The following STK10 variants were observed in gnomAD, a reference collection of about 807,000 sequenced individuals.
The protein encoded by STK10 is serine/threonine-protein kinase 10.
A neutral mutation model predicts 113.8 loss-of-function variants in STK10; 78 were observed. That is an observed-to-expected ratio of 0.69 (90% confidence interval 0.57 to 0.83). The LOEUF is 0.83. STK10 is among the 40% of genes least tolerant of loss of function. The pLI, the probability that STK10 is intolerant of heterozygous loss-of-function variation, is 0.00. For synonymous variants in STK10, 465 were observed against 494.7 expected (o/e 0.94, Z 0.80); for missense variants, 1,109 against 1,280.1 (o/e 0.87, Z 2.04).
intron 10 of STK10, among the ~76,000 whole-genome samples, chr5:172,085,204 C>T (rs1046401394): frequency 2.0e-5 from 3 of 151,734 alleles, no homozygotes; most frequent in Admixed American, 1.3e-4. Flanking sequence ...GTGACTATGC[C>T]GCTTGCACTC....
chr5:172,151,851 C>T (rs10476009), intron 2 of STK10, among the ~76,000 whole-genome samples: 9,659 of 152,304 alleles, frequency 0.063, 355 homozygotes, highest in South Asian at 0.13. Flanking sequence ...CCTCGGTTCA[C>T]GTTACTCTGC....
chr5:172,156,548 A>G, intron 2 of STK10, 76 bp downstream of exon 2: 1 of 1,504,752 alleles, frequency 6.6e-7, no homozygotes, highest in Non-Finnish European at 8.9e-7. Flanking sequence ...AAAGAGCTGA[A>G]GACTTCAGGA....
intron 2 of STK10, among the ~76,000 whole-genome samples, chr5:172,131,211 T>C (rs1482427734): frequency 6.6e-6 from 1 of 152,060 alleles, no homozygotes; most frequent in African/African-American, 2.4e-5. Context: ...TTTTTTGTAT[T>C]TTTTGGTAGA....
intron 9 of STK10, chr5:172,092,289 GCGGGGGACT>G (rs1445787799): frequency 2.0e-5 from 3 of 152,850 alleles, no homozygotes; most frequent in African/African-American, 7.2e-5. Context: ...TGCCGGCACA[GCGGGGGACT>G]CTCATGAGAA....
Position 172,120,271 on chromosome 5 carries a change from G to A in STK10, c.371-2641C>T, listed in dbSNP as rs576676621. On this transcript the variant is annotated intron_variant, in intron 3 of 18. Coordinates refer to ENST00000176763, the MANE Select transcript of STK10 (RefSeq NM_005990.4). The surrounding 1 kb of genome is among the most constrained non-coding windows in gnomAD (Gnocchi z 4.0). ...TGCCTACAACAGCACTGCTGTGTCC[G>A]GCTTGCCTAGTGGTGCCTGGACAGG... 1.3e-5 allele frequency among the ~76,000 whole-genome samples: 2 copies of A among 152,242 alleles called. No individual in the cohort carries two copies. The highest frequency in any genetic ancestry group is 2.1e-4 in the South Asian group (1 of 4,820).
At chr5:172,182,359 G>A (rs2113845418) in intron 1 of STK10, among the ~76,000 whole-genome samples, 1 of 145,918 alleles carries the variant, frequency 6.9e-6, no homozygotes, top group East Asian at 2.0e-4. Flanking sequence ...CAAAACCAAA[G>A]CAATTTTCTA....
chr5:172,068,147 T>C (rs1324674503), intron 12 of STK10, among the ~76,000 whole-genome samples: 1 of 152,124 alleles, frequency 6.6e-6, no homozygotes, highest in Non-Finnish European at 1.5e-5. Flanking sequence ...AAGACAAGCC[T>C]GGCCAAGATG....
At chr5:172,114,508 A>G (rs1769330317) in intron 4 of STK10, 1 of 71,676 alleles carries the variant, frequency 1.4e-5, no homozygotes, top group Non-Finnish European at 2.4e-5. Context: ...TTTGAGACGG[A>G]GTCTCACTCT....
intron 7 of STK10, among the ~76,000 whole-genome samples, chr5:172,098,969 TCAC>T (rs1283921164): frequency 7.1e-6 from 1 of 141,734 alleles, no homozygotes; most frequent in Non-Finnish European, 1.5e-5. Flanking sequence ...TTCACCACCA[TCAC>T]CACCATCATT....
rs570264335 is a variant in STK10, at chr5:172,092,565, C to G, written c.1554+847G>C. ...CTGTGCTTCCCTTCCCTGCCTAAAGCTGATTGGCCGTTGCGGCTCCTGTCA... is the reference window on the plus strand; with the variant it reads ...CTGTGCTTCCCTTCCCTGCCTAAAGGTGATTGGCCGTTGCGGCTCCTGTCA... On this transcript the variant is annotated intron_variant, in intron 9 of 18. Coordinates refer to ENST00000176763, the MANE Select transcript of STK10 (RefSeq NM_005990.4). The G allele has an allele frequency of 3.3e-5, 5 of 152,300 alleles. No homozygotes were observed. In the East Asian group the frequency reaches 9.7e-4, roughly 29 times the overall value. 9.4% of individuals were successfully genotyped at this position (152,300 alleles called of 1,614,324 possible).
intron 15 of STK10, chr5:172,057,025 G>GA (rs1230538231): frequency 5.9e-6 from 1 of 170,040 alleles, no homozygotes; most frequent in Middle Eastern, 2.1e-3. Context: ...AAGAAAGAAA[G>GA]AAAGAAAGAA....
At chr5:172,073,853 T>C (rs1394808218) in intron 12 of STK10, among the ~76,000 whole-genome samples, 1 of 147,654 alleles carries the variant, frequency 6.8e-6, no homozygotes, top group Non-Finnish European at 1.5e-5. Flanking sequence ...TAATCCCAGC[T>C]ACCTGGGAGG....
intron 7 of STK10, among the ~76,000 whole-genome samples, chr5:172,105,191 C>T (rs1769071256): frequency 8.1e-6 from 1 of 122,922 alleles, no homozygotes; most frequent in African/African-American, 3.0e-5. Context: ...CCTGGCTCTT[C>T]CCAGCATGTG....
intron 2 of STK10, among the ~76,000 whole-genome samples, chr5:172,147,766 A>G (rs1770115240): frequency 6.6e-6 from 1 of 152,130 alleles, no homozygotes; most frequent in South Asian, 2.1e-4. Flanking sequence ...TTGACCCACA[A>G]TCAGATTAGA....
chr5:172,086,693 AG>A, intron 10 of STK10, among the ~76,000 whole-genome samples: 1 of 152,366 alleles, frequency 6.6e-6, no homozygotes, highest in South Asian at 2.1e-4. Flanking sequence ...CTGGGCCAGC[AG>A]GGGATGATCA....
At chr5:172,172,697 T>C (rs574124133) in intron 1 of STK10, among the ~76,000 whole-genome samples, 71 of 152,286 alleles carry the variant, frequency 4.7e-4, no homozygotes, top group Middle Eastern at 3.4e-3. Context: ...GCCTCTGAAG[T>C]GGCCGGGCGC....
chr5:172,080,672 C>T (rs116157744), intron 12 of STK10, among the ~76,000 whole-genome samples: 2,100 of 152,316 alleles, frequency 0.014, 47 homozygotes, highest in African/African-American at 0.047. Context: ...TCTGTGAAGG[C>T]TGAGAGAGGT....
intron 1 of STK10, among the ~76,000 whole-genome samples, chr5:172,172,637 C>A (rs1267180028): frequency 2.6e-5 from 4 of 152,182 alleles, no homozygotes; most frequent in East Asian, 3.8e-4. Flanking sequence ...CACAGCAATG[C>A]CAACTGCTGA....
intron 1 of STK10, among the ~76,000 whole-genome samples, chr5:172,183,115 G>C (rs1332125072): frequency 1.3e-5 from 2 of 152,172 alleles, no homozygotes; most frequent in Admixed American, 6.5e-5. Context: ...GCTGAGACAG[G>C]AGGATCCCTT....
Sources: allele counts gnomAD v4.1 joint callset (sites outside exome capture counted in the v4.1 genomes callset), GRCh38; gene constraint gnomAD v4.1.1; non-coding constraint Gnocchi (gnomAD v3.1); transcripts MANE v1.5; gene names NCBI Gene and HGNC (gene_info 2026-07-23, HGNC 2026-07-21).